The following PHLDB2 variants were observed in gnomAD, a reference collection of about 807,000 sequenced individuals.
The protein encoded by PHLDB2 is pleckstrin homology like domain family B member 2.
In PHLDB2, 71 loss-of-function variants were observed where a neutral mutation model predicts 123.6. The ratio of observed to expected loss-of-function variants is 0.57; its 90% CI spans 0.47 to 0.70. PHLDB2 has a LOEUF of 0.70. Ranked by LOEUF, PHLDB2 falls within the 30% of genes least tolerant of loss-of-function variation. The probability of loss-of-function intolerance (pLI) is 0.00; values close to 1 mark genes in which losing one functional copy is unlikely to be tolerated. For missense variants in PHLDB2, 1,446 were observed against 1,519.5 expected, an observed-to-expected ratio of 0.95 and a Z score of 0.80; for synonymous variants, 547 against 541.6, an observed-to-expected ratio of 1.01 and a Z score of -0.14.
intron 1 of PHLDB2, among the ~76,000 whole-genome samples, chr3:111,841,623 T>C (rs1367889122): frequency 6.6e-6 from 1 of 152,200 alleles, no homozygotes; most frequent in Non-Finnish European, 1.5e-5. Flanking sequence ...GGCTCTCAGT[T>C]ACTCTGGCTG....
At chr3:111,848,140 T>C (rs1173286201) in intron 2 of PHLDB2, among the ~76,000 whole-genome samples, 1 of 152,122 alleles carries the variant, frequency 6.6e-6, no homozygotes, top group African/African-American at 2.4e-5. Context: ...GTACTGAGGA[T>C]TGTGGAAGTT....
chr3:111,881,439 A>T (rs1014296233), intron 1 of PHLDB2, among the ~76,000 whole-genome samples: 1 of 152,194 alleles, frequency 6.6e-6, no homozygotes, highest in Admixed American at 6.5e-5. Context: ...TTACTGCAAT[A>T]TTAAATTTAT....
intron 2 of PHLDB2, chr3:111,846,147 G>A: frequency 2.0e-6 from 1 of 503,650 alleles, no homozygotes; most frequent in Non-Finnish European, 3.6e-6. Flanking sequence ...GTCATATGCT[G>A]AGGTTTTATT....
intron 1 of PHLDB2, among the ~76,000 whole-genome samples, chr3:111,764,139 C>A (rs531044595): frequency 8.9e-4 from 136 of 152,204 alleles, no homozygotes; most frequent in African/African-American, 3.2e-3. Context: ...TCCACTTTCC[C>A]GTTTATAAAA....
chr3:111,958,281 T>G, intron 12 of PHLDB2: 1 of 989,246 alleles, frequency 1.0e-6, no homozygotes, highest in South Asian at 4.6e-5. Flanking sequence ...TTAGGAAGAA[T>G]GAATTCCTCA....
At chr3:111,737,510 G>A (rs563178921) in intron 1 of PHLDB2, among the ~76,000 whole-genome samples, 1 of 152,228 alleles carries the variant, frequency 6.6e-6, no homozygotes, top group Non-Finnish European at 1.5e-5. Flanking sequence ...TTTCCCATGA[G>A]AGCAGTAAAG....
At chr3:111,780,399 A>AGAAGAAGAAGAAGAGGAAGAGGAAG in intron 1 of PHLDB2, among the ~76,000 whole-genome samples, 1 of 74,452 alleles carries the variant, frequency 1.3e-5, no homozygotes, top group African/African-American at 4.7e-5. Flanking sequence ...AAGAAGAAGA[A>AGAAGAAGAAGAAGAGGAAGAGGAAG]GAAGAAGAAG....
intron 1 of PHLDB2, among the ~76,000 whole-genome samples, chr3:111,822,968 G>A (rs1237443531): frequency 6.6e-6 from 1 of 152,214 alleles, no homozygotes; most frequent in African/African-American, 2.4e-5. Context: ...ACAAAGGAAG[G>A]GCATTGGAGG....
chr3:111,945,589 G>GT, intron 9 of PHLDB2: 1 of 465,706 alleles, frequency 2.1e-6, no homozygotes, highest in Non-Finnish European at 3.8e-6. Context: ...GTGTGTGTTT[G>GT]TGTGTGTGTG....
chr3:111,948,127 G>A (rs116805355), intron 9 of PHLDB2, among the ~76,000 whole-genome samples: 121 of 152,294 alleles, frequency 7.9e-4, no homozygotes, highest in South Asian at 2.3e-3. Context: ...GCTGAAGCCA[G>A]AACTGAATTA....
At chr3:111,899,425 C>G (rs1293813174) in intron 2 of PHLDB2, among the ~76,000 whole-genome samples, 1 of 152,144 alleles carries the variant, frequency 6.6e-6, no homozygotes, top group Non-Finnish European at 1.5e-5. Flanking sequence ...ATGCTCTCCC[C>G]CACTTCCCCC....
At chr3:111,926,449 C>A (rs574881614) in intron 5 of PHLDB2, among the ~76,000 whole-genome samples, 1 of 152,298 alleles carries the variant, frequency 6.6e-6, no homozygotes, top group African/African-American at 2.4e-5. Flanking sequence ...CTCTTTCTTA[C>A]ATTTCAAAGT....
intron 5 of PHLDB2, 80 bp downstream of exon 5, chr3:111,920,499 A>T (rs1372407431): frequency 6.6e-7 from 1 of 1,511,816 alleles, no homozygotes; most frequent in Non-Finnish European, 8.9e-7. Flanking sequence ...TGTTGAATGC[A>T]TTACTGGGGT....
chr3:111,814,975 C>A (rs1477312070), intron 1 of PHLDB2, among the ~76,000 whole-genome samples: 1 of 152,104 alleles, frequency 6.6e-6, no homozygotes, highest in Non-Finnish European at 1.5e-5. Context: ...ATTATGGGTG[C>A]GGGTGTTTCC....
At chr3:111,855,248 G>A (rs142530334), upstream of PHLDB2, among the ~76,000 whole-genome samples, 349 of 152,282 alleles carry the variant, frequency 2.3e-3, 1 homozygote, top group African/African-American at 7.0e-3. Flanking sequence ...ACAGATCCTG[G>A]AGAGGCAAAC....
At chr3:111,786,502 T>C (rs936479544) in intron 1 of PHLDB2, among the ~76,000 whole-genome samples, 5 of 152,146 alleles carry the variant, frequency 3.3e-5, no homozygotes, top group African/African-American at 1.2e-4. Context: ...TCTTCCAAAG[T>C]CTAAGATTTT....
At chr3:111,797,495 A>C (rs1484230232) in intron 1 of PHLDB2, among the ~76,000 whole-genome samples, 3 of 152,214 alleles carry the variant, frequency 2.0e-5, no homozygotes, top group Non-Finnish European at 2.9e-5. Flanking sequence ...TGACTGCCTT[A>C]CTTGAAAGCA....
intron 1 of PHLDB2, among the ~76,000 whole-genome samples, chr3:111,839,799 C>T (rs941571101): frequency 2.0e-5 from 3 of 151,972 alleles, no homozygotes; most frequent in East Asian, 1.9e-4. Flanking sequence ...GCTTTAGGAC[C>T]GAGGTATAGA....
At chr3:111,958,285 T>C (rs2071177997) in intron 12 of PHLDB2, 2 of 989,174 alleles carry the variant, frequency 2.0e-6, no homozygotes, top group African/African-American at 3.5e-5. Flanking sequence ...GAAGAATGAA[T>C]TCCTCAGCAG....
Sources: gnomAD v4.1 joint callset for allele counts (sites outside exome capture counted in the v4.1 genomes callset) on GRCh38, gnomAD v4.1.1 for gene constraint, MANE v1.5 for transcripts, NCBI Gene and HGNC (gene_info 2026-07-23, HGNC 2026-07-21) for gene names.